Variants in ANKS1B observed in about 807,000 individuals in gnomAD.
ANKS1B encodes ankyrin repeat and sterile alpha motif domain-containing protein 1B.
A neutral mutation model predicts 148.3 loss-of-function variants in ANKS1B; 36 were observed. The ratio of observed to expected loss-of-function variants is 0.24; its 90% CI spans 0.19 to 0.32. The LOEUF is 0.32. ANKS1B is among the 10% of genes least tolerant of loss of function. The pLI is 1.00. For synonymous variants in ANKS1B, 542 were observed against 560.8 expected, an observed-to-expected ratio of 0.97 and a Z score of 0.47; for missense variants, 1,157 against 1,542.6, an observed-to-expected ratio of 0.75 and a Z score of 4.19.
intron 17 of ANKS1B, among the ~76,000 whole-genome samples, chr12:98,872,420 T>C (rs1425401229): frequency 6.6e-6 from 1 of 152,104 alleles, no homozygotes; most frequent in East Asian, 1.9e-4. Context: ...GTGCCTGTAA[T>C]CTCAGCTACT....
chr12:99,621,896 T>A (rs1185671097), intron 9 of ANKS1B, among the ~76,000 whole-genome samples: 2 of 152,002 alleles, frequency 1.3e-5, no homozygotes, highest in Non-Finnish European at 1.5e-5. Context: ...GACACTTGAC[T>A]AATTGGATCT....
At chr12:99,449,943 CTATCTAGA>C (rs2095703425) in intron 10 of ANKS1B, among the ~76,000 whole-genome samples, 1 of 115,244 alleles carries the variant, frequency 8.7e-6, no homozygotes, top group South Asian at 2.9e-4. Context: ...ATCTATCTAT[CTATCTAGA>C]CAAAGATTTA....
At chr12:99,927,339 T>C (rs749829362) in intron 1 of ANKS1B, among the ~76,000 whole-genome samples, 1 of 152,210 alleles carries the variant, frequency 6.6e-6, no homozygotes, top group African/African-American at 2.4e-5. Context: ...TCCTACTGCA[T>C]GTAAATCATT....
At chr12:99,192,071 G>A (rs1277121064) in intron 14 of ANKS1B, among the ~76,000 whole-genome samples, 6 of 135,416 alleles carry the variant, frequency 4.4e-5, no homozygotes, top group African/African-American at 1.4e-4. Context: ...GGTGGAGGCT[G>A]CAGTGAGCCG....
chr12:99,775,467 A>C, intron 7 of ANKS1B, 81 bp downstream of exon 7: 1 of 873,420 alleles, frequency 1.1e-6, no homozygotes, highest in South Asian at 1.6e-5. Context: ...AGTATAGGAT[A>C]TAACCTATTA....
chr12:99,874,000 ATCTCTCTCTC>A (rs142537166), intron 1 of ANKS1B, among the ~76,000 whole-genome samples: 2 of 138,502 alleles, frequency 1.4e-5, no homozygotes, highest in African/African-American at 3.0e-5. Context: ...AAATAAATAA[ATCTCTCTCTC>A]TCTCTCTCTC....
chr12:99,280,923 G>A lies in ANKS1B; in HGVS notation c.1757-34059C>T, dbSNP rs377607894. 2.6e-3 allele frequency among the ~76,000 whole-genome samples: 384 copies of A among 149,844 alleles called. 1 individual carries two copies. The highest frequency in any genetic ancestry group is 8.2e-3 in the African/African-American group (335 of 40,716). On this transcript the variant is annotated intron_variant, in intron 12 of 26. Transcript: ENST00000683438. ...CATGCACGTACACACACACACGTGC[G>A]CACATACACACACACACACACACTC...
chr12:99,891,126 TA>T (rs1472332360), intron 1 of ANKS1B, among the ~76,000 whole-genome samples: 1 of 152,226 alleles, frequency 6.6e-6, no homozygotes, highest in Non-Finnish European at 1.5e-5. Flanking sequence ...AGATCACTCC[TA>T]AAACTTCTTG....
chr12:98,855,129 G>A (rs925963568), intron 17 of ANKS1B, among the ~76,000 whole-genome samples: 2 of 145,958 alleles, frequency 1.4e-5, no homozygotes, highest in South Asian at 2.1e-4. Context: ...ACTGCAGTCC[G>A]CAGTCCGACC....
At chr12:98,847,003 G>A (rs576534329) in intron 17 of ANKS1B, among the ~76,000 whole-genome samples, 2 of 152,132 alleles carry the variant, frequency 1.3e-5, no homozygotes, top group South Asian at 4.2e-4. Flanking sequence ...ATCAATTTAG[G>A]GATAAGTACA....
chr12:99,591,663 AT>A (rs1195284253), intron 9 of ANKS1B, among the ~76,000 whole-genome samples: 1 of 152,020 alleles, frequency 6.6e-6, no homozygotes, highest in African/African-American at 2.4e-5. Context: ...CCATAAATCC[AT>A]TTTACCATTG....
In ANKS1B at chr12:99,965,887, G is replaced by C. The variant is rs142987161; in HGVS notation, c.134+18217C>G. Among the ~76,000 whole-genome samples, 410 of 152,266 alleles carry C rather than the reference G, an allele frequency of 2.7e-3. 1 individual carries two copies. Among genetic ancestry groups the C allele is most frequent in the African/African-American group, 9.5e-3 (394 of 41,548 alleles). ...AAATTGCGCCACTGCACTCCAGCCTGGGCGACAAAGTGAGACTGCATCTCC... is the reference window on the plus strand; with the variant it reads ...AAATTGCGCCACTGCACTCCAGCCTCGGCGACAAAGTGAGACTGCATCTCC... On this transcript the variant is annotated intron_variant, in intron 1 of 26. Coordinates refer to ENST00000683438, the MANE Select transcript of ANKS1B (RefSeq NM_001352186.2).
chr12:99,364,302 T>G (rs1409390332), intron 12 of ANKS1B, among the ~76,000 whole-genome samples: 1 of 152,178 alleles, frequency 6.6e-6, no homozygotes, highest in Non-Finnish European at 1.5e-5. Context: ...ATGTTTATTG[T>G]ACAATCAGTG....
At chr12:99,565,578 T>G (rs568657564) in intron 9 of ANKS1B, among the ~76,000 whole-genome samples, 2 of 152,318 alleles carry the variant, frequency 1.3e-5, no homozygotes, top group African/African-American at 4.8e-5. Flanking sequence ...TCCTTGGCTC[T>G]CAGCTCCATT....
intron 15 of ANKS1B, among the ~76,000 whole-genome samples, chr12:99,114,244 G>A (rs2060877634): frequency 6.6e-6 from 1 of 152,114 alleles, no homozygotes; most frequent in African/African-American, 2.4e-5. Flanking sequence ...GTTTAACCAT[G>A]GAATACTTGA....
chr12:98,868,758 G>C (rs1460222616), intron 17 of ANKS1B, among the ~76,000 whole-genome samples: 1 of 152,192 alleles, frequency 6.6e-6, no homozygotes, highest in Non-Finnish European at 1.5e-5. Context: ...AATGGGGGCT[G>C]TCCTGATTGA....
At chr12:99,606,525 A>T (rs1030429505) in intron 9 of ANKS1B, among the ~76,000 whole-genome samples, 21 of 151,966 alleles carry the variant, frequency 1.4e-4, no homozygotes, top group African/African-American at 5.1e-4. Flanking sequence ...TTTTACATTT[A>T]TTAATAGATC....
At chr12:99,754,654 G>A (rs1309350521) in intron 8 of ANKS1B, among the ~76,000 whole-genome samples, 6 of 152,116 alleles carry the variant, frequency 3.9e-5, no homozygotes, top group African/African-American at 1.2e-4. Flanking sequence ...CAGTCTCTCA[G>A]ACCACAGTGC....
chr12:99,550,546 C>A (rs1260111572), intron 9 of ANKS1B, among the ~76,000 whole-genome samples: 1 of 151,926 alleles, frequency 6.6e-6, no homozygotes, highest in East Asian at 1.9e-4. Flanking sequence ...ATCGCTTGAA[C>A]CCGGGAGGTG....
Sources: allele counts gnomAD v4.1 joint callset (sites outside exome capture counted in the v4.1 genomes callset), GRCh38; gene constraint gnomAD v4.1.1; transcripts MANE v1.5; gene names NCBI Gene and HGNC (gene_info 2026-07-23, HGNC 2026-07-21).